Variants in SGCZ observed in about 807,000 individuals in gnomAD.
The protein encoded by SGCZ is sarcoglycan zeta.
In SGCZ, 40 loss-of-function variants were observed where a neutral mutation model predicts 41.3. The observed-to-expected ratio is 0.97, with a 90% confidence interval of 0.75 to 1.26. The LOEUF is 1.26. SGCZ is among the 50% of genes most tolerant of loss of function. The pLI is 0.00. For missense variants in SGCZ, 552 were observed against 369.8 expected (o/e 1.49, Z -4.04); for synonymous variants, 206 against 137.5 (o/e 1.50, Z -3.49).
chr8:14,552,182 G>A (rs1803892018), intron 2 of SGCZ, among the ~76,000 whole-genome samples: 1 of 151,914 alleles, frequency 6.6e-6, no homozygotes, highest in Admixed American at 6.6e-5. Flanking sequence ...ACATAACATT[G>A]GTTTTATTTT....
chr8:14,360,815 C>T (rs1038576280), intron 2 of SGCZ, among the ~76,000 whole-genome samples: 3 of 152,032 alleles, frequency 2.0e-5, no homozygotes, highest in African/African-American at 7.3e-5. Context: ...CCATAAATGC[C>T]GCAGAGTACA....
rs1374530374 is a variant in SGCZ, at chr8:14,235,629, G to A, written c.424+1963C>T. On this transcript the variant is annotated intron_variant, in intron 4 of 7. Transcript: ENST00000382080. ...CAAATGATTGCTTTGCTCTATAGGCGGGCATTAAGTAGCTATTGTGTCTGA... is the reference window on the plus strand; with the variant it reads ...CAAATGATTGCTTTGCTCTATAGGCAGGCATTAAGTAGCTATTGTGTCTGA... Among the ~76,000 whole-genome samples, 5 of 152,032 alleles carry A rather than the reference G, an allele frequency of 3.3e-5. No individual in the cohort carries two copies. The East Asian group carries it at 7.7e-4, about 23-fold the overall frequency.
At chr8:15,007,747 G>C (rs1024246840) in intron 1 of SGCZ, among the ~76,000 whole-genome samples, 3 of 152,134 alleles carry the variant, frequency 2.0e-5, no homozygotes, top group East Asian at 1.9e-4. Flanking sequence ...TCAGGCTTAA[G>C]TATCACATTA....
chr8:14,413,518 T>A (rs1049147540), intron 2 of SGCZ, among the ~76,000 whole-genome samples: 3 of 152,028 alleles, frequency 2.0e-5, no homozygotes, highest in Non-Finnish European at 4.4e-5. Context: ...TTATACAAGC[T>A]AAATGGATGT....
intron 1 of SGCZ, among the ~76,000 whole-genome samples, chr8:15,015,112 G>A (rs936086628): frequency 1.3e-5 from 2 of 152,086 alleles, no homozygotes; most frequent in Non-Finnish European, 2.9e-5. Context: ...GCACAGTGGT[G>A]TGCACCTATA....
chr8:14,615,682 T>C (rs1297067354), intron 1 of SGCZ, among the ~76,000 whole-genome samples: 3 of 152,132 alleles, frequency 2.0e-5, no homozygotes, highest in African/African-American at 7.2e-5. Context: ...AAGTATTAAG[T>C]TTTGGGGAAA....
At chr8:14,569,308 C>T (rs1419504535) in intron 1 of SGCZ, among the ~76,000 whole-genome samples, 4 of 152,110 alleles carry the variant, frequency 2.6e-5, no homozygotes, top group Admixed American at 1.3e-4. Flanking sequence ...TTAAATAGCT[C>T]CATTATTTTT....
intron 1 of SGCZ, among the ~76,000 whole-genome samples, chr8:15,023,889 C>G (rs1414507879): frequency 6.6e-6 from 1 of 152,206 alleles, no homozygotes; most frequent in African/African-American, 2.4e-5. Flanking sequence ...CTGGTTACTT[C>G]TCTGGGATTA....
At position 14,878,761 on chromosome 8, in the gene SGCZ, C is replaced by T. The variant is rs148150664; in HGVS notation, c.40-323835G>A. On this transcript the variant is annotated intron_variant, in intron 1 of 7. Coordinates refer to ENST00000382080, the MANE Select transcript of SGCZ (RefSeq NM_139167.4). ...AAAGAATGGCAGAGGCAATGAAACACAAATCACTCCACCTTAAGGAGAAAG... is the reference window on the plus strand; with the variant it reads ...AAAGAATGGCAGAGGCAATGAAACATAAATCACTCCACCTTAAGGAGAAAG... Among the ~76,000 whole-genome samples the T allele has an allele frequency of 6.6e-5, 10 of 152,144 alleles. No individual in the cohort carries two copies. The East Asian group carries it at 1.9e-3, about 29-fold the overall frequency.
intron 3 of SGCZ, among the ~76,000 whole-genome samples, chr8:14,304,008 T>C (rs1435023619): frequency 6.6e-6 from 1 of 151,912 alleles, no homozygotes; most frequent in East Asian, 2.0e-4. Flanking sequence ...TGCCTCGGCC[T>C]CCCAAAGTGC....
intron 4 of SGCZ, among the ~76,000 whole-genome samples, chr8:14,181,630 C>G (rs1042295729): frequency 2.6e-5 from 4 of 152,190 alleles, no homozygotes; most frequent in Admixed American, 2.6e-4. Flanking sequence ...CAATACTGTT[C>G]TCATGGTAGT....
intron 3 of SGCZ, among the ~76,000 whole-genome samples, chr8:14,303,662 C>G (rs1235235788): frequency 6.6e-6 from 1 of 152,092 alleles, no homozygotes; most frequent in African/African-American, 2.4e-5. Context: ...CCTGAAACAC[C>G]AGTGTCTTCT....
At chr8:14,938,175 A>G (rs886988381) in intron 1 of SGCZ, among the ~76,000 whole-genome samples, 12 of 152,204 alleles carry the variant, frequency 7.9e-5, no homozygotes, top group African/African-American at 1.4e-4. Flanking sequence ...GAAATACATT[A>G]TGTTCATCTA....
intron 2 of SGCZ, among the ~76,000 whole-genome samples, chr8:14,551,347 G>A (rs1803802999): frequency 1.5e-5 from 2 of 136,782 alleles, no homozygotes; most frequent in Non-Finnish European, 3.1e-5. Flanking sequence ...AAACCACAAA[G>A]ATGTTATAGT....
chr8:15,149,449 T>C (rs920778055), intron 1 of SGCZ, among the ~76,000 whole-genome samples: 12 of 152,148 alleles, frequency 7.9e-5, no homozygotes, highest in Non-Finnish European at 1.6e-4. Flanking sequence ...GGCAAGTTAC[T>C]TGAATTAAAA....
intron 4 of SGCZ, among the ~76,000 whole-genome samples, chr8:14,221,766 T>C (rs144257385): frequency 1.3e-5 from 2 of 152,060 alleles, no homozygotes; most frequent in African/African-American, 2.4e-5. Flanking sequence ...TGAAACCTCA[T>C]CTGTACAAAA....
chr8:15,106,720 T>C (rs1011496205), intron 1 of SGCZ, among the ~76,000 whole-genome samples: 2 of 152,134 alleles, frequency 1.3e-5, no homozygotes, highest in Non-Finnish European at 2.9e-5. Flanking sequence ...TAGTTTGTAA[T>C]ACTTATTTTT....
At chr8:15,190,506 G>T (rs913218483) in intron 1 of SGCZ, among the ~76,000 whole-genome samples, 1 of 152,022 alleles carries the variant, frequency 6.6e-6, no homozygotes, top group Non-Finnish European at 1.5e-5. Context: ...CAGACACTGT[G>T]GTGTACTTAC....
chr8:14,883,235 TAA>T (rs370971113), intron 1 of SGCZ, among the ~76,000 whole-genome samples: 4 of 137,964 alleles, frequency 2.9e-5, no homozygotes, highest in Non-Finnish European at 6.3e-5. Context: ...TTGGGCTACT[TAA>T]AAAAAAAAAA....
Sources: gnomAD v4.1 joint callset for allele counts (sites outside exome capture counted in the v4.1 genomes callset) on GRCh38, gnomAD v4.1.1 for gene constraint, MANE v1.5 for transcripts, NCBI Gene and HGNC (gene_info 2026-07-23, HGNC 2026-07-21) for gene names.